Variants in NR2F1-AS1 observed in about 807,000 individuals in gnomAD.
The protein encoded by NR2F1-AS1 is NR2F1 regulatory antisense RNA 1, also known as NR2F1 antisense RNA 1.
intron 4 of NR2F1-AS1, among the ~76,000 whole-genome samples, chr5:93,480,860 A>C (rs1264725486): frequency 3.3e-5 from 5 of 152,088 alleles, no homozygotes; most frequent in Admixed American, 3.3e-4. Flanking sequence ...CTAAGAAAAT[A>C]ATTTAAAATA....
At chr5:93,476,248 T>C (rs1750482456) in intron 4 of NR2F1-AS1, among the ~76,000 whole-genome samples, 1 of 152,208 alleles carries the variant, frequency 6.6e-6, no homozygotes, top group Non-Finnish European at 1.5e-5. Context: ...GTATTTAAAG[T>C]AGCCTTTGTT....
intron 4 of NR2F1-AS1, among the ~76,000 whole-genome samples, chr5:93,527,577 T>A (rs1432078763): frequency 1.3e-5 from 2 of 152,148 alleles, no homozygotes; most frequent in Middle Eastern, 3.4e-3. Flanking sequence ...GGAGGCATCA[T>A]GCTACCTGAC....
chr5:93,561,460 T>C (rs1273617599), intron 2 of NR2F1-AS1, among the ~76,000 whole-genome samples: 2 of 152,058 alleles, frequency 1.3e-5, no homozygotes, highest in Admixed American at 6.5e-5. Flanking sequence ...AGACCAAACA[T>C]AGGTATTTTT....
At chr5:93,562,790 T>A (rs1196691814) in intron 2 of NR2F1-AS1, among the ~76,000 whole-genome samples, 1 of 152,172 alleles carries the variant, frequency 6.6e-6, no homozygotes, top group East Asian at 1.9e-4. Context: ...GGAGTATGCC[T>A]TTATCTACTC....
At chr5:93,561,949 C>CA (rs1222837609) in intron 2 of NR2F1-AS1, among the ~76,000 whole-genome samples, 1 of 151,752 alleles carries the variant, frequency 6.6e-6, no homozygotes, top group African/African-American at 2.4e-5. Flanking sequence ...TTTCAGAAAA[C>CA]AATGTTATTT....
chr5:93,552,003 C>G (rs1752241355), intron 4 of NR2F1-AS1, among the ~76,000 whole-genome samples: 1 of 152,158 alleles, frequency 6.6e-6, no homozygotes, highest in Non-Finnish European at 1.5e-5. Context: ...AGACCAACTG[C>G]TAGAATCACC....
intron 4 of NR2F1-AS1, among the ~76,000 whole-genome samples, chr5:93,469,517 A>G (rs953138198): frequency 1.3e-5 from 2 of 152,106 alleles, no homozygotes; most frequent in African/African-American, 4.8e-5. Flanking sequence ...AAAACCAACT[A>G]AAGCTCAGTA....
intron 4 of NR2F1-AS1, among the ~76,000 whole-genome samples, chr5:93,476,766 C>T (rs1207464164): frequency 6.6e-6 from 1 of 152,042 alleles, no homozygotes; most frequent in Non-Finnish European, 1.5e-5. Flanking sequence ...ATAACCTGCA[C>T]ATGCTTTGAT....
intron 1 of NR2F1-AS1, among the ~76,000 whole-genome samples, chr5:93,564,117 A>C (rs1752560005): frequency 6.2e-5 from 4 of 64,042 alleles, no homozygotes; most frequent in Admixed American, 1.4e-4. Flanking sequence ...AAAAAAAAAA[A>C]AAAAAAAAAA....
chr5:93,478,489 C>T (rs1580260747), intron 4 of NR2F1-AS1, among the ~76,000 whole-genome samples: 1 of 152,276 alleles, frequency 6.6e-6, no homozygotes, highest in East Asian at 1.9e-4. Context: ...CTGCAACCTT[C>T]GCATCCCAGA....
At chr5:93,456,035 G>A (rs1224941932) in intron 4 of NR2F1-AS1, among the ~76,000 whole-genome samples, 3 of 152,010 alleles carry the variant, frequency 2.0e-5, no homozygotes, top group Non-Finnish European at 4.4e-5. Context: ...AACTAAGCAA[G>A]GACATATCCT....
intron 4 of NR2F1-AS1, among the ~76,000 whole-genome samples, chr5:93,504,045 A>C (rs1032075819): frequency 6.6e-6 from 1 of 152,198 alleles, no homozygotes; most frequent in Non-Finnish European, 1.5e-5. Flanking sequence ...TGCACAAGAC[A>C]AAAAGGAGGA....
rs1749623156 is a variant in NR2F1-AS1 at position 93,443,575 on chromosome 5, T to C, written n.639-48033A>G. ...TGAAAAGACCAAATCTACATCTGAC[T>C]GGTATACCTTAAAGTGATGAGGGGA... On this transcript the variant is annotated intron_variant and non_coding_transcript_variant, in intron 4 of 5. Transcript: ENST00000660523. Among the ~76,000 whole-genome samples, 5 of 152,186 alleles carry C rather than the reference T, an allele frequency of 3.3e-5. No individual in the cohort carries two copies. The South Asian group carries it at 1.0e-3, about 32-fold the overall frequency.
At chr5:93,500,907 G>A (rs188335448) in intron 4 of NR2F1-AS1, among the ~76,000 whole-genome samples, 8 of 152,128 alleles carry the variant, frequency 5.3e-5, no homozygotes, top group African/African-American at 7.2e-5. Flanking sequence ...AGCCACCTGC[G>A]CCCTACCTCA....
intron 4 of NR2F1-AS1, among the ~76,000 whole-genome samples, chr5:93,534,836 C>T (rs1262199068): frequency 6.6e-6 from 1 of 152,134 alleles, no homozygotes; most frequent in Non-Finnish European, 1.5e-5. Context: ...GGTTCACCAC[C>T]ACCTACATTA....
At chr5:93,527,959 A>G (rs192479574) in intron 4 of NR2F1-AS1, among the ~76,000 whole-genome samples, 63 of 152,348 alleles carry the variant, frequency 4.1e-4, no homozygotes, top group African/African-American at 1.5e-3. Flanking sequence ...CGACTAAAAT[A>G]CCAAAAGCAA....
chr5:93,529,519 T>A (rs1751691322), intron 4 of NR2F1-AS1, among the ~76,000 whole-genome samples: 1 of 152,158 alleles, frequency 6.6e-6, no homozygotes, highest in Admixed American at 6.5e-5. Flanking sequence ...AGAAAGTACC[T>A]GCAACTCTCT....
chr5:93,584,976 C>A, upstream of NR2F1-AS1: 1 of 933,976 alleles, frequency 1.1e-6, no homozygotes, highest in Non-Finnish European at 1.3e-6. Context: ...GCCCCGCGGC[C>A]CTCGGCGAGC....
chr5:93,460,956 C>T (rs1750077615), intron 4 of NR2F1-AS1, among the ~76,000 whole-genome samples: 2 of 152,176 alleles, frequency 1.3e-5, no homozygotes. Context: ...GCAGAACTAC[C>T]ATTCAACCCA....
Sources: gnomAD v4.1 joint callset for allele counts (sites outside exome capture counted in the v4.1 genomes callset) on GRCh38, gnomAD v4.1.1 for gene constraint, MANE v1.5 for transcripts, NCBI Gene and HGNC (gene_info 2026-07-23, HGNC 2026-07-21) for gene names.